TMEM114: variants seen among roughly 807,000 people sequenced by gnomAD.
TMEM114 encodes transmembrane protein 114, also known as claudin-26.
TMEM114 carries 6 observed loss-of-function variants against 6.2 expected under a neutral mutation model. The observed-to-expected ratio is 0.97, with a 90% confidence interval of 0.53 to 1.91. The LOEUF (loss-of-function observed/expected upper bound fraction) is 1.91, where lower values mean the gene tolerates loss of function less well. Among genes scored for constraint, TMEM114 ranks in the 40% most tolerant of loss-of-function variants. The probability of loss-of-function intolerance (pLI) is 0.01; values close to 1 mark genes in which losing one functional copy is unlikely to be tolerated. For missense variants in TMEM114, 218 were observed against 158.3 expected (o/e 1.38, Z -2.02); for synonymous variants, 104 against 73.0 (o/e 1.42, Z -2.16).
intron 2 of TMEM114, among the ~76,000 whole-genome samples, chr16:8,564,157 G>C (rs905003573): frequency 6.6e-6 from 1 of 151,542 alleles, no homozygotes; most frequent in East Asian, 1.9e-4. Context: ...GAATGAGTTA[G>C]TGAATGAGTG....
At chr16:8,562,129 T>A (rs1901249608) in intron 2 of TMEM114, among the ~76,000 whole-genome samples, 1 of 148,426 alleles carries the variant, frequency 6.7e-6, no homozygotes, top group Non-Finnish European at 1.5e-5. Flanking sequence ...AGTGAATGAG[T>A]GAGTGAATGA....
At chr16:8,540,173 G>C (rs1900475462) in intron 2 of TMEM114, among the ~76,000 whole-genome samples, 1 of 152,068 alleles carries the variant, frequency 6.6e-6, no homozygotes, top group Non-Finnish European at 1.5e-5. Context: ...TCAAACATCA[G>C]GTTATTGAGT....
chr16:8,587,015 C>A (rs1205495990), intron 2 of TMEM114, among the ~76,000 whole-genome samples: 1 of 152,050 alleles, frequency 6.6e-6, no homozygotes, highest in Non-Finnish European at 1.5e-5. Context: ...GCCAGTTAAG[C>A]TTTTGAGAAT....
chr16:8,540,763 C>G (rs1262344606), intron 2 of TMEM114, among the ~76,000 whole-genome samples: 1 of 152,158 alleles, frequency 6.6e-6, no homozygotes, highest in Non-Finnish European at 1.5e-5. Flanking sequence ...GGACATAAAC[C>G]AAAGAATCAC....
At chr16:8,546,974 T>A (rs1209248012) in intron 2 of TMEM114, among the ~76,000 whole-genome samples, 3 of 152,232 alleles carry the variant, frequency 2.0e-5, no homozygotes, top group African/African-American at 7.2e-5. Flanking sequence ...CACAGCCAAC[T>A]GAGCCTTGGG....
intron 2 of TMEM114, among the ~76,000 whole-genome samples, chr16:8,550,088 C>A (rs1340991481): frequency 1.3e-5 from 2 of 152,210 alleles, no homozygotes; most frequent in African/African-American, 2.4e-5. Context: ...GGGCAGGAAG[C>A]ATCCATCATG....
the TMEM114 span, among the ~76,000 whole-genome samples, chr16:8,530,128 C>A: frequency 6.6e-6 from 1 of 152,186 alleles, no homozygotes. Context: ...TTAGCTTTTT[C>A]CTGCCACATC....
At chr16:8,529,082 G>T in the TMEM114 span, among the ~76,000 whole-genome samples, 1 of 152,318 alleles carries the variant, frequency 6.6e-6, no homozygotes, top group East Asian at 1.9e-4. Flanking sequence ...GTTCGGAGAG[G>T]ACAGCAAAAT....
chr16:8,578,569 G>C (rs1186589353), intron 2 of TMEM114, among the ~76,000 whole-genome samples: 6 of 152,306 alleles, frequency 3.9e-5, no homozygotes, highest in Admixed American at 3.3e-4. Flanking sequence ...CTGGGGCTTA[G>C]TACATGAGCA....
At chr16:8,582,881 A>G (rs1567211050) in intron 2 of TMEM114, among the ~76,000 whole-genome samples, 1 of 152,124 alleles carries the variant, frequency 6.6e-6, no homozygotes. Context: ...CCTGGGCAAC[A>G]GAGTGAGACA....
At chr16:8,550,994 G>A (rs1405911138) in intron 2 of TMEM114, among the ~76,000 whole-genome samples, 9 of 152,172 alleles carry the variant, frequency 5.9e-5, no homozygotes, top group African/African-American at 2.2e-4. Flanking sequence ...ATGATACATG[G>A]TTCTAACCCT....
intron 2 of TMEM114, among the ~76,000 whole-genome samples, chr16:8,561,819 A>C (rs549005016): frequency 8.0e-6 from 1 of 125,672 alleles, no homozygotes; most frequent in African/African-American, 2.7e-5. Flanking sequence ...TGAAGGAGGG[A>C]GTGAATGAGT....
At chr16:8,589,331 G>A (rs1025092429) in intron 1 of TMEM114, 38 bp from the exon 2 acceptor site, 93 of 398,788 alleles carry the variant, frequency 2.3e-4, no homozygotes, top group African/African-American at 1.8e-3. Context: ...GCAGGACCCC[G>A]GAGTTCTGTG....
At chr16:8,589,050 C>A (rs1902401810) in intron 2 of TMEM114, among the ~76,000 whole-genome samples, 163 bp downstream of exon 2, 1 of 152,172 alleles carries the variant, frequency 6.6e-6, no homozygotes. Context: ...AGGAGAGACC[C>A]TGCCCCCCGG....
intron 2 of TMEM114, among the ~76,000 whole-genome samples, chr16:8,550,049 A>T (rs1180218235): frequency 6.6e-6 from 1 of 152,216 alleles, no homozygotes; most frequent in African/African-American, 2.4e-5. Flanking sequence ...AGAGTCCAAA[A>T]GCCAAAGAAC....
chr16:8,529,308 G>T, the TMEM114 span, among the ~76,000 whole-genome samples: 8 of 152,140 alleles, frequency 5.3e-5, 1 homozygote, highest in South Asian at 2.1e-4. Flanking sequence ...GTTCTGACCA[G>T]GACTCCCCAA....
intron 2 of TMEM114, among the ~76,000 whole-genome samples, chr16:8,582,447 G>A (rs1258543892): frequency 2.0e-5 from 3 of 152,214 alleles, no homozygotes; most frequent in Non-Finnish European, 2.9e-5. Context: ...CTGGTTTCCT[G>A]TCTGAAAGAG....
chr16:8,568,968 T>C (rs1225566500), downstream of TMEM114, among the ~76,000 whole-genome samples: 1 of 152,216 alleles, frequency 6.6e-6, no homozygotes, highest in Non-Finnish European at 1.5e-5. Flanking sequence ...GCCAGAAGCC[T>C]CGGCATCGCC....
At chr16:8,544,062 T>G (rs1263524210) in intron 2 of TMEM114, among the ~76,000 whole-genome samples, 1 of 152,196 alleles carries the variant, frequency 6.6e-6, no homozygotes, top group Non-Finnish European at 1.5e-5. Context: ...AGCATTAGCC[T>G]AGGTTTTCTT....
Sources: gnomAD v4.1 joint callset for allele counts (sites outside exome capture counted in the v4.1 genomes callset) on GRCh38, gnomAD v4.1.1 for gene constraint, MANE v1.5 for transcripts, NCBI Gene and HGNC (gene_info 2026-07-23, HGNC 2026-07-21) for gene names.